The following KATNBL1 variants were observed in gnomAD, a reference collection of about 807,000 sequenced individuals.
The protein encoded by KATNBL1 is katanin regulatory subunit B1 like 1.
A neutral mutation model predicts 44.7 loss-of-function variants in KATNBL1; 28 were observed. The observed-to-expected ratio is 0.63, with a 90% CI of 0.46 to 0.86. The LOEUF is 0.86. KATNBL1 is among the 40% of genes least tolerant of loss of function. KATNBL1 has a pLI of 0.00. For synonymous variants in KATNBL1, 78 were observed against 114.9 expected (o/e 0.68, Z 2.06); for missense variants, 272 against 350.7 (o/e 0.78, Z 1.79).
chr15:34,188,279 G>C (rs947613030), intron 1 of KATNBL1, among the ~76,000 whole-genome samples: 1 of 151,856 alleles, frequency 6.6e-6, no homozygotes, highest in African/African-American at 2.4e-5. Flanking sequence ...AAATGAGCTG[G>C]GTGTGGTGGC....
intron 1 of KATNBL1, among the ~76,000 whole-genome samples, chr15:34,169,993 G>A (rs1012397058): frequency 6.6e-6 from 1 of 152,160 alleles, no homozygotes; most frequent in African/African-American, 2.4e-5. Context: ...TACTGAATGG[G>A]CAAAAACTGG....
chr15:34,189,580 G>A (rs560545362), intron 1 of KATNBL1, among the ~76,000 whole-genome samples: 1 of 152,184 alleles, frequency 6.6e-6, no homozygotes. Flanking sequence ...ATGATCATAG[G>A]TCACTATAAA....
At chr15:34,193,021 T>A (rs999271630) in intron 1 of KATNBL1, among the ~76,000 whole-genome samples, 2 of 148,354 alleles carry the variant, frequency 1.3e-5, no homozygotes, top group African/African-American at 5.0e-5. Flanking sequence ...ATCGAGACCA[T>A]CCTGGCTAAC....
rs66474515 is a variant in KATNBL1 at position 34,181,856 on chromosome 15, C to CAT, written c.-14-18168_-14-18167dup. 1.6e-4 allele frequency among the ~76,000 whole-genome samples: 3 copies of CAT among 18,732 alleles called. 1 individual carries two copies. The highest frequency in any genetic ancestry group is 4.0e-4 in the Non-Finnish European group (3 of 7,424). 12.3% of individuals were successfully genotyped at this position (18,732 alleles called of 152,430 possible). ...CATATATATACACATATATATAGTCCATATATATATATCCATATATATATA... is the reference window on the plus strand; with the variant it reads ...CATATATATACACATATATATAGTCCATATATATATATATCCATATATATATA... On this transcript the variant is annotated intron_variant, in intron 1 of 9. Transcript: ENST00000256544.
chr15:34,191,474 T>A (rs1431098090), intron 1 of KATNBL1, among the ~76,000 whole-genome samples: 1 of 152,078 alleles, frequency 6.6e-6, no homozygotes, highest in Non-Finnish European at 1.5e-5. Context: ...GGTTTTATGG[T>A]AGGTGTATGT....
chr15:34,199,937 C>T (rs1011450090), intron 1 of KATNBL1: 2 of 152,202 alleles, frequency 1.3e-5, no homozygotes, highest in East Asian at 1.9e-4. Context: ...TATTTGACCC[C>T]GCCCATGTGC....
At chr15:34,151,145 G>T (rs1433417065) in intron 4 of KATNBL1, among the ~76,000 whole-genome samples, 2 of 152,122 alleles carry the variant, frequency 1.3e-5, no homozygotes, top group Non-Finnish European at 2.9e-5. Flanking sequence ...ATTGTTTTAA[G>T]TTCTTTGAAA....
At chr15:34,155,639 G>A (rs1319966150) in intron 2 of KATNBL1, among the ~76,000 whole-genome samples, 1 of 152,160 alleles carries the variant, frequency 6.6e-6, no homozygotes, top group Admixed American at 6.5e-5. Flanking sequence ...GTACAACACT[G>A]AGTTTTAATC....
At chr15:34,148,024 A>AT (rs1241198454) in intron 5 of KATNBL1, among the ~76,000 whole-genome samples, 3 of 151,920 alleles carry the variant, frequency 2.0e-5, no homozygotes, top group African/African-American at 4.8e-5. Flanking sequence ...CTGGCTTATT[A>AT]TTTTTATTTT....
chr15:34,198,272 C>G (rs972235772), intron 1 of KATNBL1: 4 of 152,210 alleles, frequency 2.6e-5, no homozygotes, highest in African/African-American at 9.7e-5. Flanking sequence ...AACTCCTGTT[C>G]AGATCCTTAA....
rs548170545 is a variant in KATNBL1 at position 34,141,686 on chromosome 15, C to T, written c.*653G>A. ...CAAGAACACTCTACAAGAATGTAAA[C>T]CCCTGATTTAATTCCATGATTTTAT... On this transcript the variant is annotated 3_prime_UTR_variant, in exon 10 of 10. Coordinates refer to ENST00000256544, the MANE Select transcript of KATNBL1 (RefSeq NM_024713.3). The T allele has an allele frequency of 1.3e-4, 20 of 152,592 alleles. No individual in the cohort carries two copies. The highest frequency in any genetic ancestry group is 4.8e-4 in the African/African-American group (20 of 41,546). The allele number at this position is 152,592 out of a possible 1,614,324, so 9.5% of individuals were successfully genotyped here.
At chr15:34,184,576 C>CCTTTTTTTTT (rs1889664688) in intron 1 of KATNBL1, among the ~76,000 whole-genome samples, 1 of 95,258 alleles carries the variant, frequency 1.0e-5, no homozygotes, top group Non-Finnish European at 1.9e-5. Flanking sequence ...CCTAATGTTT[C>CCTTTTTTTTT]TTTTTTTTTT....
At chr15:34,143,840 G>A (rs1029533932) in intron 9 of KATNBL1, among the ~76,000 whole-genome samples, 5 of 148,058 alleles carry the variant, frequency 3.4e-5, no homozygotes, top group South Asian at 2.1e-4. Context: ...GGTGGTGGGC[G>A]CCTGTAGTCC....
intron 1 of KATNBL1, among the ~76,000 whole-genome samples, chr15:34,182,753 G>A (rs942633125): frequency 3.9e-5 from 6 of 152,194 alleles, no homozygotes; most frequent in Non-Finnish European, 5.9e-5. Flanking sequence ...AGCCAGATTC[G>A]AAAGGCTACA....
intron 2 of KATNBL1, among the ~76,000 whole-genome samples, chr15:34,158,450 T>C (rs1037864674): frequency 5.3e-5 from 8 of 152,202 alleles, no homozygotes; most frequent in Non-Finnish European, 1.2e-4. Flanking sequence ...TGGCAGCTTG[T>C]TTGGCTATTT....
At chr15:34,170,810 C>G (rs1889135590) in intron 1 of KATNBL1, among the ~76,000 whole-genome samples, 1 of 152,190 alleles carries the variant, frequency 6.6e-6, no homozygotes, top group Admixed American at 6.5e-5. Context: ...TGATCTTTGA[C>G]AAACCTGACA....
intron 1 of KATNBL1, among the ~76,000 whole-genome samples, chr15:34,192,101 T>C (rs1273449387): frequency 6.6e-6 from 1 of 151,880 alleles, no homozygotes; most frequent in Non-Finnish European, 1.5e-5. Flanking sequence ...TCCTCTCTGC[T>C]TTTTTATATG....
chr15:34,145,611 G>C, intron 8 of KATNBL1, 120 bp from the exon 9 acceptor site: 1 of 893,088 alleles, frequency 1.1e-6, no homozygotes, highest in Non-Finnish European at 1.5e-6. Context: ...AGGAGAAAAT[G>C]ATGCTATTTG....
intron 1 of KATNBL1, among the ~76,000 whole-genome samples, chr15:34,188,061 C>G (rs1889764259): frequency 7.5e-6 from 1 of 133,206 alleles, no homozygotes; most frequent in Non-Finnish European, 1.5e-5. Context: ...ATCGCTTGAA[C>G]CTGGGAAGTG....
Sources: gnomAD v4.1 joint callset for allele counts (sites outside exome capture counted in the v4.1 genomes callset) on GRCh38, gnomAD v4.1.1 for gene constraint, MANE v1.5 for transcripts, NCBI Gene and HGNC (gene_info 2026-07-23, HGNC 2026-07-21) for gene names.